HABP4: variants seen among roughly 807,000 people sequenced by gnomAD.
HABP4 encodes the protein hyaluronan binding protein 4.
HABP4 carries 32 observed loss-of-function variants against 44.1 expected under a neutral mutation model. The observed-to-expected ratio is 0.73, with a 90% CI of 0.55 to 0.97. The LOEUF (loss-of-function observed/expected upper bound fraction) is 0.97, where lower values mean the gene tolerates loss of function less well. Among genes scored for constraint, HABP4 ranks in the 50% least tolerant of loss-of-function variants. HABP4 has a pLI of 0.00. For missense variants in HABP4, 503 were observed against 561.9 expected, an observed-to-expected ratio of 0.90 and a Z score of 1.06; for synonymous variants, 216 against 218.0, an observed-to-expected ratio of 0.99 and a Z score of 0.08.
At chr9:96,469,424 CAT>C (rs1832657451) in intron 4 of HABP4, among the ~76,000 whole-genome samples, 1 of 152,184 alleles carries the variant, frequency 6.6e-6, no homozygotes, top group Non-Finnish European at 1.5e-5. Context: ...TTTTATGGAA[CAT>C]ATGTGCACAA....
intron 2 of HABP4, among the ~76,000 whole-genome samples, chr9:96,461,332 T>C (rs1832495449): frequency 6.6e-6 from 1 of 152,176 alleles, no homozygotes; most frequent in Admixed American, 6.6e-5. Context: ...AGGGATTTTT[T>C]TTTTCAGAAC....
At chr9:96,452,822 T>C (rs10820634) in intron 1 of HABP4, among the ~76,000 whole-genome samples, 39,609 of 151,558 alleles carry the variant, frequency 0.26, 7,015 homozygotes, top group African/African-American at 0.51. Flanking sequence ...GAATGCTTAG[T>C]GTAGACAAAA....
At chr9:96,471,144 G>T in intron 5 of HABP4, 50 bp downstream of exon 5, 4 of 972,816 alleles carry the variant, frequency 4.1e-6, no homozygotes, top group Non-Finnish European at 6.4e-6. Flanking sequence ...TCTTCTTAAT[G>T]ATTTCTTTTT....
intron 3 of HABP4, 97 bp downstream of exon 3, chr9:96,465,595 G>A: frequency 1.8e-6 from 2 of 1,141,542 alleles, no homozygotes; most frequent in Non-Finnish European, 2.7e-6. Context: ...TTATAGTACT[G>A]TGCTGTTATT....
chr9:96,464,185 C>T (rs543155327), intron 2 of HABP4, among the ~76,000 whole-genome samples: 4 of 152,048 alleles, frequency 2.6e-5, no homozygotes, highest in African/African-American at 9.7e-5. Context: ...AAGGGCTCCG[C>T]GTTGGGCATG....
At chr9:96,464,430 A>G (rs769764862) in intron 2 of HABP4, among the ~76,000 whole-genome samples, 8 of 152,242 alleles carry the variant, frequency 5.3e-5, no homozygotes, top group Non-Finnish European at 4.4e-5. Context: ...GAGTGCCCAC[A>G]AGGATAAGGA....
intron 5 of HABP4, among the ~76,000 whole-genome samples, chr9:96,472,318 C>T (rs759012668): frequency 1.3e-5 from 2 of 152,192 alleles, no homozygotes; most frequent in Non-Finnish European, 2.9e-5. Context: ...CTTGGGTTCA[C>T]TCTTTCTCTC....
intron 5 of HABP4, among the ~76,000 whole-genome samples, chr9:96,481,471 G>A (rs937993239): frequency 6.6e-6 from 1 of 152,064 alleles, no homozygotes; most frequent in Non-Finnish European, 1.5e-5. Flanking sequence ...GGCCAGGTGT[G>A]GTGGTTCAGA....
intron 2 of HABP4, among the ~76,000 whole-genome samples, chr9:96,458,780 G>A (rs796416714): frequency 5.3e-5 from 8 of 152,052 alleles, no homozygotes; most frequent in African/African-American, 1.9e-4. Flanking sequence ...GTGCCACCAC[G>A]CCCGGCTAAT....
In HABP4 at chr9:96,471,052, TGGA is replaced by T; in HGVS notation, c.790_792del (p.Glu264del). On this transcript the variant is annotated inframe_deletion, in exon 5 of 8. Transcript: ENST00000375249. ...GCACCGATGGAGGAACCCACAGTGG[TGGA>T]GGAGTCCCAGGGCACCCCGGAAGAG... The T allele has an allele frequency of 6.2e-7, 1 of 1,608,494 alleles. No homozygotes were observed. The highest frequency in any genetic ancestry group is 8.5e-7 in the Non-Finnish European group (1 of 1,174,950).
At position 96,456,759 on chromosome 9, in the gene HABP4, C is replaced by CAAA. The variant is rs764603456; in HGVS notation, c.350-1600_350-1598dup. On this transcript the variant is annotated intron_variant, in intron 1 of 7. Transcript: ENST00000375249. Reference sequence around the variant, plus strand: ...TGGGCAACAGAGCAAGACTCCATCTCAAAAAAAAAAAAAAAAAAAAAATAT... The same window carrying CAAA: ...TGGGCAACAGAGCAAGACTCCATCTCAAAAAAAAAAAAAAAAAAAAAAAAATAT... 9.7e-4 allele frequency among the ~76,000 whole-genome samples: 24 copies of CAAA among 24,728 alleles called. 1 individual carries two copies. Among genetic ancestry groups the CAAA allele is most frequent in the South Asian group, 2.9e-3 (1 of 350 alleles). 16.2% of individuals were successfully genotyped at this position (24,728 alleles called of 152,430 possible).
chr9:96,471,529 C>G (rs145684354), intron 5 of HABP4, among the ~76,000 whole-genome samples: 49 of 152,314 alleles, frequency 3.2e-4, no homozygotes, highest in African/African-American at 1.2e-3. Flanking sequence ...GTATGAATGA[C>G]TGGTGATCAA....
chr9:96,452,410 A>G (rs1832299930), intron 1 of HABP4, among the ~76,000 whole-genome samples: 2 of 152,132 alleles, frequency 1.3e-5, no homozygotes, highest in African/African-American at 4.8e-5. Flanking sequence ...CTTTGCATTT[A>G]TATACATAAA....
intron 1 of HABP4, among the ~76,000 whole-genome samples, chr9:96,456,780 AATATATATATATATATATAT>A (rs71368267): frequency 0.026 from 1,148 of 44,816 alleles, 34 homozygotes; most frequent in South Asian, 0.053. Flanking sequence ...AAAAAAAAAA[AATATATATATATATATATAT>A]ATATATATAT....
chr9:96,454,332 A>G (rs180991753), intron 1 of HABP4, among the ~76,000 whole-genome samples: 473 of 152,294 alleles, frequency 3.1e-3, no homozygotes, highest in Non-Finnish European at 4.5e-3. Flanking sequence ...ACTGTTGACA[A>G]ATTTTCTGAT....
intron 1 of HABP4, among the ~76,000 whole-genome samples, chr9:96,455,916 A>ATGG (rs199565683): frequency 0.011 from 1,704 of 150,854 alleles, 55 homozygotes; most frequent in Admixed American, 0.085. Flanking sequence ...TTAGCCCGGT[A>ATGG]TGGTGGCACA....
intron 4 of HABP4, among the ~76,000 whole-genome samples, chr9:96,470,425 C>T (rs532201737): frequency 3.9e-5 from 6 of 152,096 alleles, no homozygotes; most frequent in African/African-American, 9.7e-5. Context: ...GCCACCCTGC[C>T]GGCCTGGAAC....
At chr9:96,474,390 G>A (rs1275008639) in intron 5 of HABP4, among the ~76,000 whole-genome samples, 1 of 152,148 alleles carries the variant, frequency 6.6e-6, no homozygotes, top group Non-Finnish European at 1.5e-5. Flanking sequence ...GAATAATAGA[G>A]AGTAAATTAT....
chr9:96,456,057 A>AAAAT (rs1261035894), intron 1 of HABP4, among the ~76,000 whole-genome samples: 2 of 152,168 alleles, frequency 1.3e-5, no homozygotes, highest in Non-Finnish European at 2.9e-5. Flanking sequence ...TCTGTCTCAA[A>AAAAT]AAATAAATAA....
Sources: allele counts gnomAD v4.1 joint callset (sites outside exome capture counted in the v4.1 genomes callset), GRCh38; gene constraint gnomAD v4.1.1; transcripts MANE v1.5; gene names NCBI Gene and HGNC (gene_info 2026-07-23, HGNC 2026-07-21).